Variants in AGRN observed in about 807,000 individuals in gnomAD.
The protein encoded by AGRN is agrin proteoglycan.
AGRN carries 106 observed loss-of-function variants against 211.0 expected under a neutral mutation model. The ratio of observed to expected loss-of-function variants is 0.50; its 90% CI spans 0.43 to 0.59. AGRN has a LOEUF of 0.59. AGRN is among the 20% of genes least tolerant of loss of function. AGRN has a pLI of 0.00. For missense variants in AGRN, 3,040 were observed against 2,982.6 expected (o/e 1.02, Z -0.45); for synonymous variants, 1,525 against 1,332.5 (o/e 1.14, Z -3.15).
rs149814455 is a variant in AGRN at position 1,044,214 on chromosome 1, C to T, written c.2105C>T (p.Pro702Leu). 1.1e-3 allele frequency: 1,757 copies of T among 1,613,006 alleles called. 3 individuals carry two copies. The highest frequency in any genetic ancestry group is 1.4e-3 in the Non-Finnish European group (1,688 of 1,179,892). ...GIWDEDSEDG[P>L]CVCDFSCQSV... Reference sequence around the variant, plus strand: ...TGGGACGAGGACTCGGAGGACGGGCCGTGTGTCTGTGACTTCAGCTGCCAG... The same window carrying T: ...TGGGACGAGGACTCGGAGGACGGGCTGTGTGTCTGTGACTTCAGCTGCCAG... The change falls in exon 11 of 36, where the codon CCG (proline) becomes CTG (leucine). Residue 702 changes from proline to leucine, a missense_variant. This residue lies in a region of AGRN where 1,498 missense variants were observed against 1,457.8 expected (regional missense o/e 1.03). Transcript: ENST00000379370.
intron 7 of AGRN, among the ~76,000 whole-genome samples, chr1:1,042,634 C>T (rs968948525): frequency 5.3e-5 from 8 of 152,198 alleles, no homozygotes; most frequent in African/African-American, 1.9e-4. Flanking sequence ...CTCTCTGCGT[C>T]TGTCTCTTCT....
chr1:1,043,135 C>T, intron 7 of AGRN, 104 bp from the exon 8 acceptor site: 1 of 1,297,348 alleles, frequency 7.7e-7, no homozygotes, highest in Non-Finnish European at 1.1e-6. Flanking sequence ...CTCTCTTCCT[C>T]CACCATCCCC....
chr1:1,053,966 C>G lies in AGRN; in HGVS notation c.5865C>G (p.Val1955=), dbSNP rs763082192. ...TCAACACCAACCGCTGGTTGCGGGT[C>G]GTGGCACATAGGTGAGTAGGGAACC... The part of the protein sequence containing the change: ...VPVNTNRWLR[V]VAHREQREGS... Residue 1955 remains valine, a synonymous_variant, in exon 34 of 36, where the codon GTC becomes GTG. Transcript: ENST00000379370. 3.1e-6 allele frequency: 5 copies of G among 1,600,462 alleles called. No homozygotes were observed. The highest frequency in any genetic ancestry group is 4.3e-6 in the Non-Finnish European group (5 of 1,174,488).
At position 1,043,651 on chromosome 1, in the gene AGRN, A is replaced by T. The variant is rs751832415; in HGVS notation, c.1717A>T (p.Thr573Ser). Residue 573 changes from threonine to serine, a missense_variant, in exon 9 of 36, where the codon ACG becomes TCG. By Grantham distance (58) the Thr-to-Ser change is moderately conservative. Coordinates refer to ENST00000379370, the MANE Select transcript of AGRN (RefSeq NM_198576.4). The stretch of plus-strand genomic sequence containing the variant: ...GCCCGTGTGTGGCTCCGACGGGCAC[A>T]CGTACCCCAGCGAGTGCATGCTGCA... ...AQPVCGSDGH[T>S]YPSECMLHVH... 1.4e-5 allele frequency: 22 copies of T among 1,601,756 alleles called. No individual in the cohort carries two copies. The highest frequency in any genetic ancestry group is 1.9e-5 in the Non-Finnish European group (22 of 1,179,764).
Position 1,049,061 on chromosome 1 carries a change from T to C in AGRN, c.4298+2T>C. ...GCTAGATGGCCGCGTGCAGCTCAGG[T>C]GGGCGGGGAGGGGACGGGGCCGGGG... On this transcript the variant is annotated splice_donor_variant, in intron 24 of 35. Transcript: ENST00000379370. LOFTEE classifies it high-confidence loss of function. 6.7e-7 allele frequency: 1 copy of C among 1,492,692 alleles called. No homozygotes were observed. Among genetic ancestry groups the C allele is most frequent in the Non-Finnish European group, 8.9e-7 (1 of 1,117,628 alleles). 92.5% of individuals were successfully genotyped at this position (1,492,692 alleles called of 1,614,324 possible).
In AGRN at chr1:1,051,557, C is replaced by G; in HGVS notation, c.5475C>G (p.Pro1825=). The G allele has an allele frequency of 6.3e-7, 1 of 1,583,184 alleles. No individual in the cohort carries two copies. Among genetic ancestry groups the G allele is most frequent in the Non-Finnish European group, 8.6e-7 (1 of 1,163,744 alleles). Residue 1825 remains proline, a synonymous_variant, in exon 32 of 36, where the codon CCC becomes CCG. Coordinates refer to ENST00000379370, the MANE Select transcript of AGRN (RefSeq NM_198576.4). Reference sequence around the variant, plus strand: ...CCTGCACCCGGGCCTCAGGCCACCCCTGCCTCAATGGGGCCTCCTGCGTCC... The same window carrying G: ...CCTGCACCCGGGCCTCAGGCCACCCGTGCCTCAATGGGGCCTCCTGCGTCC... ...GHPCTRASGH[P]CLNGASCVPR...
chr1:1,050,810 C>T lies in AGRN; in HGVS notation c.5226C>T (p.Asp1742=), dbSNP rs759448658. Residue 1742 remains aspartate (D), a synonymous_variant, in exon 30 of 36, where the codon GAC becomes GAT. Transcript: ENST00000379370. ...GCAAGGGTGCCCTGCGTGTGGGCGA[C>T]GGCCCCCGTGTGTTGGGGGAGTCCC... is the stretch of plus-strand genomic sequence containing the variant. The part of the protein sequence containing the change: ...NGRKGALRVG[D]GPRVLGESPV... 1.6e-5 allele frequency: 26 copies of T among 1,591,254 alleles called. No individual in the cohort carries two copies. Among genetic ancestry groups the T allele is most frequent in the Non-Finnish European group, 1.9e-5 (22 of 1,173,312 alleles).
rs374230348 is a variant in AGRN, at chr1:1,041,965, C to T, written c.1187C>T (p.Pro396Leu). 9.2e-5 allele frequency: 149 copies of T among 1,611,648 alleles called. 2 individuals are homozygous for T. In the East Asian group the frequency reaches 2.2e-3, roughly 24 times the overall value. ...SGQCQGRDQC[P>L]EPCRFNAVCL... ...CACCCCTGCGTCCTAGACCAGTGCCCGGAGCCCTGCCGGTTCAATGCCGTG... is the reference window on the plus strand; with the variant it reads ...CACCCCTGCGTCCTAGACCAGTGCCTGGAGCCCTGCCGGTTCAATGCCGTG... The change falls in exon 7 of 36, where the codon CCG (proline) becomes CTG (leucine). Residue 396 changes from proline (P) to leucine (L), a missense_variant. Coordinates refer to ENST00000379370, the MANE Select transcript of AGRN (RefSeq NM_198576.4).
rs1181950158 is a variant in AGRN at position 1,053,807 on chromosome 1, G to A, written c.5706G>A (p.Thr1902=). 18 of 1,610,948 alleles carry A rather than the reference G, an allele frequency of 1.1e-5. No individual in the cohort carries two copies. The East Asian group carries it at 1.8e-4, about 16-fold the overall frequency. ...HFELSLRTEA[T]QGLVLWSGKA... ...AACTGAGCCTGCGCACTGAGGCCACGCAGGGGCTGGTGCTCTGGAGTGGCA... is the reference window on the plus strand; with the variant it reads ...AACTGAGCCTGCGCACTGAGGCCACACAGGGGCTGGTGCTCTGGAGTGGCA... Residue 1902 remains threonine, a synonymous_variant, in exon 34 of 36, where the codon ACG becomes ACA. Transcript: ENST00000379370.
In AGRN at chr1:1,022,187, C is replaced by T. The variant is rs769722871; in HGVS notation, c.202-14C>T. The T allele has an allele frequency of 6.2e-7, 1 of 1,612,948 alleles. No homozygotes were observed. Among genetic ancestry groups the T allele is most frequent in the South Asian group, 1.1e-5 (1 of 91,084 alleles). ...GGAGAGGACTAATGACACCTACCGC[C>T]ATGTCCACCCCAGGTTCGGGTCTGG... On this transcript the variant is annotated splice_polypyrimidine_tract_variant and intron_variant, in intron 1 of 35. Coordinates refer to ENST00000379370, the MANE Select transcript of AGRN (RefSeq NM_198576.4).
intron 33 of AGRN, chr1:1,052,098 CG>C: frequency 2.1e-6 from 3 of 1,410,950 alleles, no homozygotes; most frequent in East Asian, 3.4e-5. Flanking sequence ...CCGGAGCCCC[CG>C]GGGAACTTTC....
chr1:1,044,324 C>G lies in AGRN; in HGVS notation c.2149-10C>G, dbSNP rs746625086. The G allele has an allele frequency of 1.2e-6, 2 of 1,612,688 alleles. No individual in the cohort carries two copies. Among genetic ancestry groups the G allele is most frequent in the South Asian group, 2.2e-5 (2 of 91,080 alleles). Reference sequence around the variant, plus strand: ...GGGCTGCGGCCGCTCACACTGACACCACCCTCCAGGTGTGCGGCTCAGATG... The same window carrying G: ...GGGCTGCGGCCGCTCACACTGACACGACCCTCCAGGTGTGCGGCTCAGATG... On this transcript the variant is annotated splice_polypyrimidine_tract_variant and intron_variant, in intron 11 of 35. Transcript: ENST00000379370.
intron 2 of AGRN, among the ~76,000 whole-genome samples, chr1:1,028,979 G>C (rs1164677757): frequency 3.3e-4 from 24 of 72,246 alleles, no homozygotes; most frequent in Non-Finnish European, 5.5e-4. Context: ...GGCGCCCACA[G>C]CCACGCCACC....
chr1:1,044,560 A>C (rs1243759968), intron 12 of AGRN, 121 bp downstream of exon 12: 2 of 1,073,762 alleles, frequency 1.9e-6, no homozygotes, highest in Non-Finnish European at 2.7e-6. Flanking sequence ...TTGTGTTGTA[A>C]GTGAGCATCG....
rs1374826449 is a variant in AGRN at position 1,041,251 on chromosome 1, C to T, written c.806C>T (p.Ser269Leu). 9 of 1,496,632 alleles carry T rather than the reference C, an allele frequency of 6.0e-6. No individual in the cohort carries two copies. Among genetic ancestry groups the T allele is most frequent in the East Asian group, 2.7e-5 (1 of 36,368 alleles). The allele number at this position is 1,496,632 out of a possible 1,614,324, so 92.7% of individuals were successfully genotyped here. Residue 269 changes from serine (S) to leucine (L), a missense_variant, in exon 5 of 36, where the codon TCG (serine) becomes TTG (leucine). By Grantham distance (145) the Ser-to-Leu change is moderately radical. This residue lies in a region of AGRN where 1,498 missense variants were observed against 1,457.8 expected (regional missense o/e 1.03). Transcript: ENST00000379370. ...CGCTCGGCCGACGGGCTGACGGCCT[C>T]GTGCCTGTGCCCCGCGACCTGCCGT... ...CARSADGLTA[S>L]CLCPATCRGA...
At chr1:1,042,585 C>T (rs1298419349) in intron 7 of AGRN, among the ~76,000 whole-genome samples, 1 of 152,174 alleles carries the variant, frequency 6.6e-6, no homozygotes, top group Non-Finnish European at 1.5e-5. Flanking sequence ...CGTGTCCCGT[C>T]GTGTTCGTCT....
intron 33 of AGRN, 91 bp from the exon 34 acceptor site, chr1:1,053,662 C>T (rs769502737): frequency 2.0e-6 from 3 of 1,498,680 alleles, no homozygotes; most frequent in Non-Finnish European, 2.7e-6. Flanking sequence ...GCCCTTGTGG[C>T]CTCCGCAGCT....
At chr1:1,026,349 C>T (rs1644521073) in intron 2 of AGRN, among the ~76,000 whole-genome samples, 1 of 152,142 alleles carries the variant, frequency 6.6e-6, no homozygotes, top group Non-Finnish European at 1.5e-5. Context: ...CCTGTCCCTG[C>T]AAGATCAGGA....
Position 1,048,718 on chromosome 1 carries a change from G to A in AGRN, c.4106-149G>A, listed in dbSNP as rs1363088510. ...GCAGGCGGAGGTTGCGGTGAGCCAGGATCGCGCCACTGCACTCCAGCCGGG... is the reference window on the plus strand; with the variant it reads ...GCAGGCGGAGGTTGCGGTGAGCCAGAATCGCGCCACTGCACTCCAGCCGGG... On this transcript the variant is annotated intron_variant, in intron 23 of 35. Transcript: ENST00000379370. This position sits in a 1 kb window ranked among gnomAD's most constrained non-coding sequence, Gnocchi z 5.9. 5 of 955,712 alleles carry A rather than the reference G, an allele frequency of 5.2e-6. No homozygotes were observed. The highest frequency in any genetic ancestry group is 7.5e-6 in the Non-Finnish European group (5 of 666,366). 59.2% of individuals were successfully genotyped at this position (955,712 alleles called of 1,614,324 possible). A position where few individuals can be genotyped will look rare whatever the true frequency, so the allele number is the denominator to read the frequency against.
Sources: allele counts gnomAD v4.1 joint callset (sites outside exome capture counted in the v4.1 genomes callset), GRCh38; gene constraint gnomAD v4.1.1; regional missense constraint gnomAD v4.1.1; non-coding constraint Gnocchi (gnomAD v3.1); transcripts MANE v1.5; gene names NCBI Gene and HGNC (gene_info 2026-07-23, HGNC 2026-07-21).